The following RAP1GAP variants were observed in gnomAD, a reference collection of about 807,000 sequenced individuals.
RAP1GAP encodes the protein RAP1 GTPase activating protein.
In RAP1GAP, 35 loss-of-function variants were observed where a neutral mutation model predicts 87.2. That is an observed-to-expected ratio of 0.40 (90% confidence interval 0.31 to 0.53). The LOEUF is 0.53. RAP1GAP is among the 20% of genes least tolerant of loss of function. RAP1GAP has a pLI of 0.48. For synonymous variants in RAP1GAP, 375 were observed against 363.9 expected (o/e 1.03, Z -0.35); for missense variants, 734 against 898.9 (o/e 0.82, Z 2.35).
At chr1:21,631,020 C>T (rs1290886826) in intron 2 of RAP1GAP, among the ~76,000 whole-genome samples, 3 of 152,132 alleles carry the variant, frequency 2.0e-5, no homozygotes, top group Non-Finnish European at 4.4e-5. Context: ...CCTCTGGCCT[C>T]TGCAGACCAC....
intron 1 of RAP1GAP, among the ~76,000 whole-genome samples, chr1:21,655,512 G>A (rs1026472589): frequency 1.3e-5 from 2 of 152,232 alleles, no homozygotes; most frequent in African/African-American, 4.8e-5. Context: ...CACTGTGACA[G>A]GGACATCACT....
chr1:21,649,626 A>C (rs2096396599), intron 2 of RAP1GAP, 135 bp downstream of exon 2: 1 of 1,032,882 alleles, frequency 9.7e-7, no homozygotes, highest in African/African-American at 1.6e-5. Flanking sequence ...GGGTCTGCCC[A>C]CCCCCTTGCC....
At chr1:21,611,302 G>T in intron 13 of RAP1GAP, 150 bp downstream of exon 13, 4 of 1,172,764 alleles carry the variant, frequency 3.4e-6, no homozygotes, top group South Asian at 1.5e-5. Context: ...TGTCTCCCCT[G>T]ACCCAACGAG....
At chr1:21,651,619 C>T (rs769844131) in intron 1 of RAP1GAP, 8 of 751,876 alleles carry the variant, frequency 1.1e-5, no homozygotes, top group Middle Eastern at 2.5e-4. Context: ...CGCCACAGCA[C>T]GACAGCCATG....
At chr1:21,618,069 C>G in intron 5 of RAP1GAP, 97 bp from the exon 6 acceptor site, 1 of 1,451,010 alleles carries the variant, frequency 6.9e-7, no homozygotes, top group Non-Finnish European at 9.7e-7. Flanking sequence ...GCTGAGAGTG[C>G]GGATGGGGCC....
At chr1:21,608,729 C>G (rs540707047) in intron 16 of RAP1GAP, 121 bp downstream of exon 16, 1 of 965,986 alleles carries the variant, frequency 1.0e-6, no homozygotes, top group Non-Finnish European at 1.6e-6. Context: ...ATCCATCCAG[C>G]CCCAGGTGTC....
chr1:21,628,393 T>G (rs1347983440), intron 2 of RAP1GAP, among the ~76,000 whole-genome samples: 2 of 81,374 alleles, frequency 2.5e-5, no homozygotes, highest in African/African-American at 1.0e-4. Context: ...TGAAACCCCA[T>G]CTCTACTAAA....
At chr1:21,660,946 G>A (rs1039099071) in intron 1 of RAP1GAP, among the ~76,000 whole-genome samples, 3 of 152,088 alleles carry the variant, frequency 2.0e-5, no homozygotes, top group Non-Finnish European at 2.9e-5. Flanking sequence ...CTGAGCTGGG[G>A]ACAGGAGGAG....
chr1:21,664,171 T>C (rs2097260135), intron 1 of RAP1GAP, among the ~76,000 whole-genome samples: 1 of 152,126 alleles, frequency 6.6e-6, no homozygotes, highest in Admixed American at 6.5e-5. Flanking sequence ...CATAGCAACC[T>C]AGTTCCCGGG....
chr1:21,620,049 T>G lies in RAP1GAP; in HGVS notation c.-17A>C. The G allele has an allele frequency of 1.9e-6, 3 of 1,613,846 alleles. No individual in the cohort carries two copies. Among genetic ancestry groups the G allele is most frequent in the Non-Finnish European group, 2.5e-6 (3 of 1,179,886 alleles). The stretch of plus-strand genomic sequence containing the variant: ...CTCAATCATCTCAAATAGATCTGTG[T>G]TCTGCAACAGAGACAGGGGAGAGCG... On this transcript the variant is annotated splice_region_variant and 5_prime_UTR_variant, in exon 4 of 25. Transcript: ENST00000374765.
At position 21,643,134 on chromosome 1, in the gene RAP1GAP, A is replaced by G. The variant is rs915098306; in HGVS notation, c.-113+6627T>C. Among the ~76,000 whole-genome samples, 8 of 142,936 alleles carry G rather than the reference A, an allele frequency of 5.6e-5. No homozygotes were observed. In the East Asian group the frequency reaches 1.2e-3, roughly 22 times the overall value. The allele number at this position is 142,936 out of a possible 152,430, so 93.8% of individuals were successfully genotyped here. On this transcript the variant is annotated intron_variant, in intron 2 of 24. Transcript: ENST00000374765. Reference sequence around the variant, plus strand: ...ATCTATTTTCTCCACCAAGTCCCCAACGCCCAGCACAGGGTTTGGCCCTAG... The same window carrying G: ...ATCTATTTTCTCCACCAAGTCCCCAGCGCCCAGCACAGGGTTTGGCCCTAG...
intron 1 of RAP1GAP, among the ~76,000 whole-genome samples, chr1:21,656,434 A>C (rs11578015): frequency 0.23 from 32,278 of 143,222 alleles, 4,780 homozygotes; most frequent in African/African-American, 0.27. Context: ...AAAAAAAAAA[A>C]AAAAAAAAAA....
chr1:21,620,899 A>G (rs968499940), intron 3 of RAP1GAP, among the ~76,000 whole-genome samples: 3 of 152,108 alleles, frequency 2.0e-5, no homozygotes, highest in Non-Finnish European at 4.4e-5. Context: ...TCCTGCTCAC[A>G]CACACAGAAG....
chr1:21,658,776 G>C (rs1027542759), intron 1 of RAP1GAP, among the ~76,000 whole-genome samples: 4 of 151,450 alleles, frequency 2.6e-5, no homozygotes, highest in African/African-American at 7.3e-5. Flanking sequence ...AGGTGCCCAA[G>C]GCTGGTTACT....
Position 21,609,007 on chromosome 1 carries a change from C to A in RAP1GAP, c.1072-71G>T. On this transcript the variant is annotated intron_variant, in intron 15 of 24. Coordinates refer to ENST00000374765, the MANE Select transcript of RAP1GAP (RefSeq NM_002885.4). The surrounding 1 kb of genome is among the most constrained non-coding windows in gnomAD (Gnocchi z 4.4). ...GACACATAAACAAGGGTCGGAACCC[C>A]AACGAGGCAGAGGCTGCAGCTCCTG... 7.6e-7 allele frequency: 1 copy of A among 1,313,928 alleles called. No individual in the cohort carries two copies. The highest frequency in any genetic ancestry group is 1.1e-6 in the Non-Finnish European group (1 of 908,638). The allele number at this position is 1,313,928 out of a possible 1,614,324, so 81.4% of individuals were successfully genotyped here.
intron 1 of RAP1GAP, among the ~76,000 whole-genome samples, chr1:21,652,102 C>G (rs2096623065): frequency 6.8e-6 from 1 of 148,132 alleles, no homozygotes; most frequent in African/African-American, 2.5e-5. Context: ...CAGCCCCTCC[C>G]CCACCCCCTT....
chr1:21,620,743 G>T (rs1047560325), intron 3 of RAP1GAP, among the ~76,000 whole-genome samples: 1 of 152,126 alleles, frequency 6.6e-6, no homozygotes, highest in African/African-American at 2.4e-5. Context: ...GGCCTGGGAA[G>T]CCCCCAGAGC....
intron 2 of RAP1GAP, among the ~76,000 whole-genome samples, chr1:21,641,408 C>G (rs2095512741): frequency 6.6e-6 from 1 of 152,206 alleles, no homozygotes; most frequent in Non-Finnish European, 1.5e-5. Flanking sequence ...ACAGCCAGCT[C>G]CTTCCCATTC....
intron 7 of RAP1GAP, among the ~76,000 whole-genome samples, chr1:21,616,591 G>T (rs996880739): frequency 6.6e-6 from 1 of 152,240 alleles, no homozygotes; most frequent in African/African-American, 2.4e-5. Flanking sequence ...CTGACGAAGA[G>T]ACAGCACCCG....
Sources: allele counts gnomAD v4.1 joint callset (sites outside exome capture counted in the v4.1 genomes callset), GRCh38; gene constraint gnomAD v4.1.1; non-coding constraint Gnocchi (gnomAD v3.1); transcripts MANE v1.5; gene names NCBI Gene and HGNC (gene_info 2026-07-23, HGNC 2026-07-21).